The following LMBRD1 variants were observed in gnomAD, a reference collection of about 807,000 sequenced individuals.
LMBRD1 encodes the protein LMBR1 domain containing 1, also known as lysosomal cobalamin transport escort protein LMBD1.
Under a neutral mutation model 74.8 loss-of-function variants are expected in LMBRD1, and 64 were observed. The ratio of observed to expected loss-of-function variants is 0.86; its 90% confidence interval spans 0.70 to 1.05. The LOEUF (loss-of-function observed/expected upper bound fraction) is 1.05. LMBRD1 is among the 50% of genes least tolerant of loss of function. LMBRD1 has a pLI of 0.00. For synonymous variants in LMBRD1, 204 were observed against 216.3 expected (o/e 0.94, Z 0.50); for missense variants, 652 against 645.9 (o/e 1.01, Z -0.10).
chr6:69,721,865 C>T (rs1325444084), intron 7 of LMBRD1, among the ~76,000 whole-genome samples: 2 of 152,134 alleles, frequency 1.3e-5, no homozygotes, highest in East Asian at 1.9e-4. Context: ...TGGCAGCATT[C>T]ACCACAAGCT....
chr6:69,695,644 T>C (rs1314112002), intron 14 of LMBRD1, among the ~76,000 whole-genome samples: 7 of 152,178 alleles, frequency 4.6e-5, no homozygotes, highest in Admixed American at 4.6e-4. Context: ...TTGTGTTTTT[T>C]TTAAATTGTT....
chr6:69,794,387 T>C (rs918617600), intron 1 of LMBRD1, among the ~76,000 whole-genome samples: 1 of 152,154 alleles, frequency 6.6e-6, no homozygotes, highest in African/African-American at 2.4e-5. Flanking sequence ...CTTTGTGGGG[T>C]AAAATATGAA....
At chr6:69,731,570 C>T (rs1766858866) in intron 7 of LMBRD1, among the ~76,000 whole-genome samples, 1 of 152,004 alleles carries the variant, frequency 6.6e-6, no homozygotes, top group Non-Finnish European at 1.5e-5. Flanking sequence ...CAATAAATTA[C>T]ATAAGAAAAT....
At chr6:69,701,854 A>G (rs781471222) in intron 10 of LMBRD1, 35 bp downstream of exon 10, 11 of 1,353,930 alleles carry the variant, frequency 8.1e-6, no homozygotes, top group African/African-American at 1.4e-5. Context: ...TAGAATTTGT[A>G]TAAGTGCTTT....
chr6:69,778,650 A>T (rs1403541392), intron 3 of LMBRD1, among the ~76,000 whole-genome samples: 1 of 152,058 alleles, frequency 6.6e-6, no homozygotes, highest in East Asian at 1.9e-4. Flanking sequence ...CCCCCCTAAA[A>T]CTTTGTGTAG....
intron 14 of LMBRD1, among the ~76,000 whole-genome samples, chr6:69,688,284 G>A (rs1443928157): frequency 6.6e-6 from 1 of 152,016 alleles, no homozygotes; most frequent in Non-Finnish European, 1.5e-5. Flanking sequence ...ATCAACTAGT[G>A]TAGTAATTCT....
chr6:69,707,664 G>C (rs1766289908), intron 9 of LMBRD1, among the ~76,000 whole-genome samples: 1 of 151,982 alleles, frequency 6.6e-6, no homozygotes, highest in Admixed American at 6.6e-5. Flanking sequence ...TCTTCTAATG[G>C]TGAGTTAGGT....
At chr6:69,719,809 C>T (rs1766574557) in intron 7 of LMBRD1, among the ~76,000 whole-genome samples, 1 of 152,298 alleles carries the variant, frequency 6.6e-6, no homozygotes. Flanking sequence ...CAGCAACAAA[C>T]TCTGAAGTGG....
At chr6:69,707,468 C>T (rs990930526) in intron 9 of LMBRD1, among the ~76,000 whole-genome samples, 1 of 152,116 alleles carries the variant, frequency 6.6e-6, no homozygotes, top group African/African-American at 2.4e-5. Flanking sequence ...TTCTTTGTTA[C>T]AATTGGTGTA....
chr6:69,740,031 G>A lies in LMBRD1; in HGVS notation c.562+1758C>T, dbSNP rs1219357669. Among the ~76,000 whole-genome samples, 6 of 152,248 alleles carry A rather than the reference G, an allele frequency of 3.9e-5. No homozygotes were observed. The East Asian group carries it at 9.7e-4, about 24-fold the overall frequency. ...TGAGGCAAGAGAATCGCTTGAACCC[G>A]GAAGGCAGGGGTTGCAGTGAGCCAC... On this transcript the variant is annotated intron_variant, in intron 6 of 15. Transcript: ENST00000649934.
chr6:69,777,761 AAGGTT>A (rs1765736669), intron 3 of LMBRD1, among the ~76,000 whole-genome samples: 1 of 152,180 alleles, frequency 6.6e-6, no homozygotes, highest in Non-Finnish European at 1.5e-5. Context: ...AGTGCCTAGC[AAGGTT>A]AGATCATGAA....
chr6:69,766,754 G>A (rs1311355310), intron 3 of LMBRD1, among the ~76,000 whole-genome samples: 1 of 151,414 alleles, frequency 6.6e-6, no homozygotes, highest in African/African-American at 2.4e-5. Flanking sequence ...ATAGAAATTG[G>A]TATAATTTCT....
intron 3 of LMBRD1, among the ~76,000 whole-genome samples, chr6:69,771,016 AACATTAATAACAACATT>A (rs1050419889): frequency 2.8e-4 from 43 of 152,232 alleles, no homozygotes; most frequent in Admixed American, 4.6e-4. Flanking sequence ...ATGTTCAAGG[AACATTAATAACAACATT>A]AATATAACAG....
chr6:69,680,553 T>C (rs1765638237), intron 14 of LMBRD1, among the ~76,000 whole-genome samples: 1 of 146,920 alleles, frequency 6.8e-6, no homozygotes, highest in African/African-American at 2.7e-5. Context: ...ATATCTTAAA[T>C]ATTTTTTTGA....
At chr6:69,739,497 C>T (rs950758805) in intron 6 of LMBRD1, among the ~76,000 whole-genome samples, 7 of 151,974 alleles carry the variant, frequency 4.6e-5, no homozygotes, top group Admixed American at 3.3e-4. Context: ...TAAAAAGGAA[C>T]TACTAATACA....
chr6:69,704,908 T>G (rs1046025002), intron 9 of LMBRD1, among the ~76,000 whole-genome samples: 9 of 28,418 alleles, frequency 3.2e-4, no homozygotes, highest in Middle Eastern at 0.019. Flanking sequence ...TGGACATTTG[T>G]TTTTTTTTTT....
intron 3 of LMBRD1, among the ~76,000 whole-genome samples, chr6:69,778,699 C>G (rs1027710058): frequency 1.3e-5 from 2 of 152,072 alleles, no homozygotes; most frequent in Admixed American, 1.3e-4. Context: ...AGGCAACATT[C>G]TACTTAATAT....
At chr6:69,739,755 C>G (rs1432637430) in intron 6 of LMBRD1, among the ~76,000 whole-genome samples, 1 of 97,270 alleles carries the variant, frequency 1.0e-5, no homozygotes, top group Non-Finnish European at 2.3e-5. Context: ...GTTACAATGA[C>G]TATATACATG....
chr6:69,701,894 C>G lies in LMBRD1; in HGVS notation c.975G>C (p.Leu325Phe). 6.3e-7 allele frequency: 1 copy of G among 1,592,420 alleles called. No homozygotes were observed. The highest frequency in any genetic ancestry group is 8.6e-7 in the Non-Finnish European group (1 of 1,161,382). Reference sequence around the variant, plus strand: ...AATGTGTCTACTGTACTTACTTTGACAAGAAGAGAGAAATTACAAACAGCA... The same window carrying G: ...AATGTGTCTACTGTACTTACTTTGAGAAGAAGAGAGAAATTACAAACAGCA... ...VALLFVISLF[L>F]SNLDKALHSA... is the part of the protein sequence containing the mutation. Residue 325 changes from leucine to phenylalanine, a missense_variant, in exon 10 of 16, where the codon TTG becomes TTC. This residue lies in a region of LMBRD1 where 598 missense variants were observed against 581.8 expected (regional missense o/e 1.03). Transcript: ENST00000649934.
Sources: gnomAD v4.1 joint callset for allele counts (sites outside exome capture counted in the v4.1 genomes callset) on GRCh38, gnomAD v4.1.1 for gene constraint, gnomAD v4.1.1 regional missense constraint, MANE v1.5 for transcripts, NCBI Gene and HGNC (gene_info 2026-07-23, HGNC 2026-07-21) for gene names.